Variants in LBP observed in about 807,000 individuals in gnomAD.
The protein encoded by LBP is lipopolysaccharide-binding protein.
A neutral mutation model predicts 56.6 loss-of-function variants in LBP; 53 were observed. The ratio of observed to expected loss-of-function variants is 0.94; its 90% CI spans 0.75 to 1.18. LBP has a LOEUF of 1.18. LBP is among the 50% of genes most tolerant of loss of function. The pLI, the probability that LBP is intolerant of heterozygous loss-of-function variation, is 0.00. For synonymous variants in LBP, 227 were observed against 247.5 expected (o/e 0.92, Z 0.78); for missense variants, 601 against 598.3 (o/e 1.00, Z -0.05).
chr20:38,354,083 C>T (rs2076829912), intron 3 of LBP, among the ~76,000 whole-genome samples: 1 of 152,068 alleles, frequency 6.6e-6, no homozygotes, highest in Admixed American at 6.6e-5. Flanking sequence ...TGGATATTGC[C>T]TAGAAAGGCC....
At position 38,363,945 on chromosome 20, in the gene LBP, C is replaced by T. The variant is rs369063395; in HGVS notation, c.653-30C>T. ...TCCAGCAGCTGAAAGTGTCATCTGGCCCCTAATTCTGCCCTGTCCTCATTC... is the reference window on the plus strand; with the variant it reads ...TCCAGCAGCTGAAAGTGTCATCTGGTCCCTAATTCTGCCCTGTCCTCATTC... On this transcript the variant is annotated intron_variant, in intron 6 of 14. Coordinates refer to ENST00000217407, the MANE Select transcript of LBP (RefSeq NM_004139.5). 26 of 1,508,832 alleles carry T rather than the reference C, an allele frequency of 1.7e-5. No homozygotes were observed. The African/African-American group carries it at 3.3e-4, about 19-fold the overall frequency. 93.5% of individuals were successfully genotyped at this position (1,508,832 alleles called of 1,614,324 possible). A position where few individuals can be genotyped will look rare whatever the true frequency, so the allele number is the denominator to read the frequency against.
At chr20:38,370,908 A>T (rs1452114740) in intron 11 of LBP, 103 bp downstream of exon 11, 5 of 962,772 alleles carry the variant, frequency 5.2e-6, no homozygotes, top group Non-Finnish European at 8.5e-6. Flanking sequence ...CCATTTGGAA[A>T]GGACACTTAC....
intron 8 of LBP, 149 bp from the exon 9 acceptor site, chr20:38,366,620 G>A: frequency 1.3e-6 from 1 of 742,476 alleles, no homozygotes; most frequent in African/African-American, 1.7e-5. Context: ...CTCCTTGGGT[G>A]AATGCAGGAC....
rs145688223 is a variant in LBP at position 38,371,818 on chromosome 20, G to GCA, written c.1260+509_1260+510dup. ...ACAGTTTCAGTTTTTTAAAAAATTT[G>GCA]CACACACACACACAAAATCTCTGTG... On this transcript the variant is annotated intron_variant, in intron 12 of 14. Transcript: ENST00000217407. 5.9e-4 allele frequency among the ~76,000 whole-genome samples: 89 copies of GCA among 151,842 alleles called. 3 individuals carry two copies. The highest frequency in any genetic ancestry group is 4.8e-3 in the South Asian group (23 of 4,806).
intron 6 of LBP, among the ~76,000 whole-genome samples, chr20:38,361,173 A>G (rs1340725631): frequency 1.3e-5 from 2 of 151,958 alleles, no homozygotes; most frequent in Non-Finnish European, 2.9e-5. Flanking sequence ...CAACAGAAAA[A>G]AAAAAAAAAA....
In LBP at chr20:38,366,844, G is replaced by T. The variant is rs1176356547; in HGVS notation, c.981+16G>T. ...CGTCCCACGGGTAAGGAGTCCCTTA[G>T]TTCCCCATGAGTGCAGACCGAGCCT... On this transcript the variant is annotated intron_variant, in intron 9 of 14. Transcript: ENST00000217407. 1.9e-6 allele frequency: 3 copies of T among 1,612,152 alleles called. No homozygotes were observed. The highest frequency in any genetic ancestry group is 1.7e-6 in the Non-Finnish European group (2 of 1,178,306).
At chr20:38,354,506 G>C in intron 4 of LBP, 67 bp downstream of exon 4, 1 of 1,445,244 alleles carries the variant, frequency 6.9e-7, no homozygotes, top group Non-Finnish European at 9.4e-7. Flanking sequence ...CCAGCGCTCA[G>C]CCTGGCCTCC....
intron 10 of LBP, among the ~76,000 whole-genome samples, chr20:38,369,487 T>C (rs2076894153): frequency 6.7e-6 from 1 of 148,740 alleles, no homozygotes; most frequent in Admixed American, 6.6e-5. Context: ...GGTATACTGG[T>C]GTTTGTCTAT....
At chr20:38,346,741 C>T in intron 1 of LBP, 101 bp downstream of exon 1, 2 of 1,509,200 alleles carry the variant, frequency 1.3e-6, no homozygotes, top group Non-Finnish European at 1.8e-6. Context: ...GGACCCTCTC[C>T]CTGGGGCAGT....
At chr20:38,351,510 G>A (rs573786950) in intron 3 of LBP, among the ~76,000 whole-genome samples, 1 of 152,276 alleles carries the variant, frequency 6.6e-6, no homozygotes, top group South Asian at 2.1e-4. Context: ...TGACCTCAGA[G>A]GCACTTGGAT....
intron 4 of LBP, among the ~76,000 whole-genome samples, chr20:38,354,898 G>A (rs561781340): frequency 4.6e-5 from 7 of 152,098 alleles, no homozygotes; most frequent in Non-Finnish European, 8.8e-5. Flanking sequence ...CCTGGGCAAC[G>A]TGGTAAAACC....
At position 38,350,839 on chromosome 20, in the gene LBP, C is replaced by T; in HGVS notation, c.268C>T (p.His90Tyr). 6.2e-7 allele frequency: 1 copy of T among 1,612,544 alleles called. No individual in the cohort carries two copies. The highest frequency in any genetic ancestry group is 8.5e-7 in the Non-Finnish European group (1 of 1,178,804). Reference sequence around the variant, plus strand: ...GAACATCCACAGCTGTGAGCTGCTTCACTCTGCGCTGAGGCCTGTCCCTGG... The same window carrying T: ...GAACATCCACAGCTGTGAGCTGCTTTACTCTGCGCTGAGGCCTGTCCCTGG... ...SLNIHSCELLHSALRPVPGQG... is the reference protein window; with the variant it reads ...SLNIHSCELLYSALRPVPGQG... Residue 90 changes from histidine to tyrosine, a missense_variant, in exon 3 of 15, where the codon CAC becomes TAC. Transcript: ENST00000217407.
chr20:38,359,593 AAC>A (rs202212468), intron 5 of LBP, among the ~76,000 whole-genome samples: 2,735 of 137,164 alleles, frequency 0.02, 95 homozygotes, highest in African/African-American at 0.082. Flanking sequence ...AAAAACAAAC[AAC>A]AACAAAAAAA....
intron 5 of LBP, among the ~76,000 whole-genome samples, chr20:38,356,432 A>G (rs755031731): frequency 0.079 from 8,115 of 103,034 alleles, 643 homozygotes; most frequent in African/African-American, 0.29. Context: ...ACACACACAC[A>G]CACACACACA....
rs534338942 is a variant in LBP at position 38,349,104 on chromosome 20, T to C, written c.125-444T>C. ...GCCACCACGCCCAGCAAATGTATTG[T>C]TGTCATTGCTATTTGACAGATGAAC... On this transcript the variant is annotated intron_variant, in intron 1 of 14. Coordinates refer to ENST00000217407, the MANE Select transcript of LBP (RefSeq NM_004139.5). 3.3e-5 allele frequency among the ~76,000 whole-genome samples: 5 copies of C among 152,330 alleles called. No individual in the cohort carries two copies. In the South Asian group the frequency reaches 1.0e-3, roughly 32 times the overall value.
At chr20:38,353,772 C>T (rs963220778) in intron 3 of LBP, among the ~76,000 whole-genome samples, 3 of 152,116 alleles carry the variant, frequency 2.0e-5, no homozygotes, top group African/African-American at 7.2e-5. Flanking sequence ...ATCTGATAGG[C>T]GAGAACTGGT....
chr20:38,347,781 G>A (rs990884895), intron 1 of LBP, among the ~76,000 whole-genome samples: 7 of 152,142 alleles, frequency 4.6e-5, no homozygotes, highest in African/African-American at 1.4e-4. Flanking sequence ...ACAGGCTCAG[G>A]GAGGCAGACA....
intron 3 of LBP, among the ~76,000 whole-genome samples, chr20:38,353,479 CTTTTTTTTT>C (rs35504317): frequency 2.5e-4 from 17 of 69,134 alleles, no homozygotes; most frequent in Middle Eastern, 9.3e-3. Context: ...AGGCTGCTTC[CTTTTTTTTT>C]TTTTTTTTTT....
At chr20:38,353,730 T>C (rs954816488) in intron 3 of LBP, among the ~76,000 whole-genome samples, 14 of 152,170 alleles carry the variant, frequency 9.2e-5, no homozygotes, top group South Asian at 2.1e-4. Flanking sequence ...TTCAATAGCA[T>C]TGAGTACTAA....
Sources: allele counts gnomAD v4.1 joint callset (sites outside exome capture counted in the v4.1 genomes callset), GRCh38; gene constraint gnomAD v4.1.1; transcripts MANE v1.5; gene names NCBI Gene and HGNC (gene_info 2026-07-23, HGNC 2026-07-21).